Variants in NXPE4 observed in about 807,000 individuals in gnomAD.
NXPE4 encodes the protein NXPE family member 4.
Under a neutral mutation model 33.3 loss-of-function variants are expected in NXPE4, and 42 were observed. The ratio of observed to expected loss-of-function variants is 1.26; its 90% CI spans 0.98 to 1.63. The LOEUF is 1.63. Ranked by LOEUF, NXPE4 falls within the 40% of genes most tolerant of loss-of-function variation. NXPE4 has a pLI of 0.00. For synonymous variants in NXPE4, 253 were observed against 234.9 expected (o/e 1.08, Z -0.71); for missense variants, 709 against 647.6 (o/e 1.09, Z -1.03).
At chr11:114,603,829 A>C in the NXPE4 span, among the ~76,000 whole-genome samples, 2 of 146,942 alleles carry the variant, frequency 1.4e-5, no homozygotes, top group Non-Finnish European at 3.0e-5. Flanking sequence ...ACTCCTATTA[A>C]CTGGTGGATA....
the NXPE4 span, among the ~76,000 whole-genome samples, chr11:114,601,736 T>A: frequency 5.5e-5 from 4 of 72,996 alleles, no homozygotes; most frequent in East Asian, 8.9e-4. Flanking sequence ...ATATATTATA[T>A]ATAATTATAA....
chr11:114,587,211 C>A (rs986362356), intron 2 of NXPE4, among the ~76,000 whole-genome samples: 1 of 152,152 alleles, frequency 6.6e-6, no homozygotes, highest in Non-Finnish European at 1.5e-5. Context: ...CCTCCAAAAC[C>A]AAATTTTAGT....
upstream of NXPE4, among the ~76,000 whole-genome samples, chr11:114,600,143 G>A (rs1277494048): frequency 6.6e-6 from 1 of 152,030 alleles, no homozygotes; most frequent in Admixed American, 6.6e-5. Context: ...AGAAAAACAA[G>A]TTTATTTCCA....
chr11:114,574,007 G>A lies in NXPE4; in HGVS notation c.1100-2534C>T, dbSNP rs556199221. Among the ~76,000 whole-genome samples, 4 of 152,050 alleles carry A rather than the reference G, an allele frequency of 2.6e-5. No individual in the cohort carries two copies. The East Asian group carries it at 7.7e-4, about 29-fold the overall frequency. Reference sequence around the variant, plus strand: ...TTTAAGAAAATCAAAATTATATCAAGTACTCTCTCAGACCACAGTGGAATA... The same window carrying A: ...TTTAAGAAAATCAAAATTATATCAAATACTCTCTCAGACCACAGTGGAATA... On this transcript the variant is annotated intron_variant, in intron 5 of 5. Coordinates refer to ENST00000375478, the MANE Select transcript of NXPE4 (RefSeq NM_001077639.2).
intron 2 of NXPE4, chr11:114,583,337 C>A: frequency 3.2e-6 from 2 of 619,288 alleles, no homozygotes; most frequent in South Asian, 3.1e-5. Context: ...ACAAGCCCAC[C>A]CAAGGAATCC....
At chr11:114,611,081 G>A in the NXPE4 span, among the ~76,000 whole-genome samples, 1 of 151,662 alleles carries the variant, frequency 6.6e-6, no homozygotes, top group African/African-American at 2.4e-5. Context: ...TTACCTGGTG[G>A]ATAATAAGTG....
chr11:114,613,426 A>G, the NXPE4 span, among the ~76,000 whole-genome samples: 2 of 151,604 alleles, frequency 1.3e-5, no homozygotes, highest in African/African-American at 4.8e-5. Context: ...CTGGTGGATA[A>G]TAAGTGTTGC....
the NXPE4 span, among the ~76,000 whole-genome samples, chr11:114,636,299 C>T: frequency 6.6e-6 from 1 of 151,920 alleles, no homozygotes; most frequent in Non-Finnish European, 1.5e-5. Context: ...TCTGTGAGAT[C>T]GGTGGTGATA....
chr11:114,619,238 A>G, the NXPE4 span, among the ~76,000 whole-genome samples: 2 of 152,014 alleles, frequency 1.3e-5, no homozygotes, highest in Non-Finnish European at 2.9e-5. Context: ...CCGGTAGAAT[A>G]TAAGTAATGC....
chr11:114,669,916 T>G, the NXPE4 span, among the ~76,000 whole-genome samples: 1 of 152,014 alleles, frequency 6.6e-6, no homozygotes, highest in Non-Finnish European at 1.5e-5. Context: ...AAGGTCTGAT[T>G]GCAAAAATTC....
At chr11:114,643,752 G>T in the NXPE4 span, among the ~76,000 whole-genome samples, 2 of 151,860 alleles carry the variant, frequency 1.3e-5, no homozygotes, top group Non-Finnish European at 2.9e-5. Context: ...CTCTTTTTTG[G>T]TACCATATGA....
the NXPE4 span, among the ~76,000 whole-genome samples, chr11:114,619,671 G>A: frequency 1.3e-5 from 2 of 151,852 alleles, no homozygotes; most frequent in South Asian, 4.2e-4. Context: ...TTGCCTTGTG[G>A]GTAACCACTG....
At chr11:114,606,050 C>T in the NXPE4 span, among the ~76,000 whole-genome samples, 1,735 of 151,500 alleles carry the variant, frequency 0.011, 36 homozygotes, top group African/African-American at 0.039. Flanking sequence ...AGGTCTGCCT[C>T]GTGGGTAACC....
chr11:114,658,197 C>A, the NXPE4 span, among the ~76,000 whole-genome samples: 2 of 152,164 alleles, frequency 1.3e-5, no homozygotes, highest in Non-Finnish European at 2.9e-5. Flanking sequence ...AGCTTAAAAT[C>A]TAATGAAAGG....
the NXPE4 span, among the ~76,000 whole-genome samples, chr11:114,613,715 G>A: frequency 6.8e-6 from 1 of 148,074 alleles, no homozygotes; most frequent in Non-Finnish European, 1.5e-5. Context: ...TACCCAGCAG[G>A]TAATAAGTGT....
chr11:114,581,207 G>T (rs976966513), intron 4 of NXPE4, among the ~76,000 whole-genome samples: 9 of 152,144 alleles, frequency 5.9e-5, no homozygotes, highest in Admixed American at 3.9e-4. Context: ...AGGCTATTTG[G>T]ATTCAAAGAA....
chr11:114,614,996 G>A, the NXPE4 span, among the ~76,000 whole-genome samples: 21,466 of 150,344 alleles, frequency 0.14, 1,888 homozygotes, highest in East Asian at 0.37. Flanking sequence ...ACTGTTACCC[G>A]GTTTATAATA....
At chr11:114,628,455 A>T in the NXPE4 span, among the ~76,000 whole-genome samples, 1 of 152,184 alleles carries the variant, frequency 6.6e-6, no homozygotes, top group Non-Finnish European at 1.5e-5. Context: ...AGAAATAAAG[A>T]TGTTCTTTGA....
At chr11:114,670,226 A>G in the NXPE4 span, among the ~76,000 whole-genome samples, 1 of 152,024 alleles carries the variant, frequency 6.6e-6, no homozygotes, top group Non-Finnish European at 1.5e-5. Context: ...ATAACAACAG[A>G]TGGAGAGAGC....
Sources: gnomAD v4.1 joint callset for allele counts (sites outside exome capture counted in the v4.1 genomes callset) on GRCh38, gnomAD v4.1.1 for gene constraint, MANE v1.5 for transcripts, NCBI Gene and HGNC (gene_info 2026-07-23, HGNC 2026-07-21) for gene names.